DNAH14: variants seen among roughly 807,000 people sequenced by gnomAD.
DNAH14 encodes dynein axonemal heavy chain 14, also known as axonemal beta dynein heavy chain 14.
Under a neutral mutation model 520.9 loss-of-function variants are expected in DNAH14, and 478 were observed. The observed-to-expected ratio is 0.92, with a 90% CI of 0.85 to 0.99. The LOEUF (loss-of-function observed/expected upper bound fraction) is 0.99. Ranked by LOEUF, DNAH14 falls within the 50% of genes least tolerant of loss-of-function variation. The pLI, the probability that DNAH14 is intolerant of heterozygous loss-of-function variation, is 0.00. For synonymous variants in DNAH14, 1,581 were observed against 1,757.2 expected, an observed-to-expected ratio of 0.90 and a Z score of 2.51; for missense variants, 4,831 against 5,234.5, an observed-to-expected ratio of 0.92 and a Z score of 2.38.
chr1:225,118,119 A>G (rs1320840143), intron 25 of DNAH14, 120 bp downstream of exon 25: 5 of 781,112 alleles, frequency 6.4e-6, no homozygotes, highest in Admixed American at 4.0e-5. Context: ...CAAAGATTAT[A>G]TCCTTACGTA....
chr1:225,072,047 A>G (rs1257189235), intron 17 of DNAH14, among the ~76,000 whole-genome samples: 3 of 152,290 alleles, frequency 2.0e-5, no homozygotes, highest in African/African-American at 7.2e-5. Context: ...CGTGGATCTT[A>G]CTAGGGTTCT....
At chr1:225,322,427 A>G (rs1331472275) in intron 61 of DNAH14, among the ~76,000 whole-genome samples, 1 of 152,126 alleles carries the variant, frequency 6.6e-6, no homozygotes, top group Non-Finnish European at 1.5e-5. Flanking sequence ...CCTTTAACTC[A>G]GATGTAGTAC....
chr1:225,399,082 A>G lies in DNAH14; in HGVS notation c.13667A>G (p.Asn4556Ser), dbSNP rs115162236. The G allele has an allele frequency of 5.3e-4, 829 of 1,551,644 alleles. 3 individuals are homozygous for G. The African/African-American group carries it at 0.01, about 19-fold the overall frequency. ...KISTKTPNASNQTDSELYAFE... is the reference protein window; with the variant it reads ...KISTKTPNASSQTDSELYAFE... The stretch of plus-strand genomic sequence containing the variant: ...TCTACCAAAACACCAAATGCTTCCA[A>G]CCAGACAGATTCAGAACTCTATGCT... Residue 4556 changes from asparagine to serine, a missense_variant, in exon 86 of 86, where the codon AAC (asparagine) becomes AGC (serine). Coordinates refer to ENST00000682510, the MANE Select transcript of DNAH14 (RefSeq NM_001367479.1).
chr1:225,381,566 C>T lies in DNAH14; in HGVS notation c.13064C>T (p.Pro4355Leu). ...IFNSFLNMRV[P>L]TLWQKHAYRS... ...AACTCTTTTCTTAATATGAGAGTGCCTACATTGTGGCAGGTAAGCAATTAT... is the reference window on the plus strand; with the variant it reads ...AACTCTTTTCTTAATATGAGAGTGCTTACATTGTGGCAGGTAAGCAATTAT... The change falls in exon 81 of 86, where the codon CCT (proline) becomes CTT (leucine). Residue 4355 changes from proline (P) to leucine (L), a missense_variant. Coordinates refer to ENST00000682510, the MANE Select transcript of DNAH14 (RefSeq NM_001367479.1). 2 of 1,516,242 alleles carry T rather than the reference C, an allele frequency of 1.3e-6. No individual in the cohort carries two copies. The highest frequency in any genetic ancestry group is 1.8e-6 in the Non-Finnish European group (2 of 1,134,974). 93.9% of individuals were successfully genotyped at this position (1,516,242 alleles called of 1,614,324 possible). A position where few individuals can be genotyped will look rare whatever the true frequency, so the allele number is the denominator to read the frequency against.
At chr1:225,372,618 A>G (rs574818781) in intron 77 of DNAH14, among the ~76,000 whole-genome samples, 12 of 152,336 alleles carry the variant, frequency 7.9e-5, no homozygotes, top group African/African-American at 2.6e-4. Context: ...CAAATAACCA[A>G]AATAAATCTA....
At chr1:225,230,603 GA>G (rs1172834056) in intron 41 of DNAH14, among the ~76,000 whole-genome samples, 3 of 152,120 alleles carry the variant, frequency 2.0e-5, no homozygotes. Flanking sequence ...ATGGGAGTGA[GA>G]GGGGGATGAC....
rs6692945 is a variant in DNAH14, at chr1:225,282,049, C to T, written c.8271+4547C>T. 5.0e-3 allele frequency among the ~76,000 whole-genome samples: 765 copies of T among 152,228 alleles called. 6 individuals are homozygous for T. The highest frequency in any genetic ancestry group is 0.017 in the African/African-American group (722 of 41,538). ...TGTGATGATCATTTAACAATGTACA[C>T]ATATATCAAAACATCAAGATGTACA... On this transcript the variant is annotated intron_variant, in intron 54 of 85. Transcript: ENST00000682510.
intron 34 of DNAH14, among the ~76,000 whole-genome samples, chr1:225,154,289 AT>A (rs1342136619): frequency 6.6e-6 from 1 of 152,090 alleles, no homozygotes; most frequent in African/African-American, 2.4e-5. Context: ...TACTCTAAAC[AT>A]TAATTTACGA....
chr1:224,966,197 T>C lies in DNAH14; in HGVS notation c.499-1234T>C, dbSNP rs546251758. 9.7e-4 allele frequency among the ~76,000 whole-genome samples: 147 copies of C among 152,236 alleles called. 1 individual carries two copies. The highest frequency in any genetic ancestry group is 3.3e-3 in the African/African-American group (139 of 41,574). ...TTTAAACTTGTTTTTGAGGATTTAA[T>C]ATTGATTATATTAGAAGCTGAAATA... On this transcript the variant is annotated intron_variant, in intron 5 of 85. Coordinates refer to ENST00000682510, the MANE Select transcript of DNAH14 (RefSeq NM_001367479.1).
intron 81 of DNAH14, among the ~76,000 whole-genome samples, chr1:225,387,352 T>G (rs2095853678): frequency 6.6e-6 from 1 of 152,112 alleles, no homozygotes; most frequent in East Asian, 1.9e-4. Flanking sequence ...AACCTGCACG[T>G]TGTGCACATG....
intron 31 of DNAH14, 142 bp from the exon 32 acceptor site, chr1:225,151,863 C>A: frequency 2.6e-6 from 2 of 772,756 alleles, no homozygotes; most frequent in South Asian, 1.5e-5. Context: ...TCTTTTTTCT[C>A]TCACCATTGT....
chr1:225,114,372 G>A (rs1010789238), intron 23 of DNAH14, among the ~76,000 whole-genome samples: 10 of 152,276 alleles, frequency 6.6e-5, no homozygotes, highest in Non-Finnish European at 1.2e-4. Context: ...GGAAGAAAAA[G>A]TCCTCTTTAG....
At chr1:224,980,824 C>T (rs2062211877) in intron 8 of DNAH14, among the ~76,000 whole-genome samples, 1 of 152,166 alleles carries the variant, frequency 6.6e-6, no homozygotes. Flanking sequence ...GGGCTTGTGT[C>T]ACCCCACCCC....
intron 10 of DNAH14, among the ~76,000 whole-genome samples, chr1:225,022,252 G>A (rs980310757): frequency 6.6e-6 from 1 of 152,092 alleles, no homozygotes; most frequent in Non-Finnish European, 1.5e-5. Context: ...TTGATAAGTG[G>A]GACCTAATGA....
intron 31 of DNAH14, among the ~76,000 whole-genome samples, chr1:225,148,748 G>C (rs1432612635): frequency 6.6e-6 from 1 of 152,006 alleles, no homozygotes; most frequent in Non-Finnish European, 1.5e-5. Context: ...GTCTTCTTTT[G>C]AAAAGTGTCC....
rs2067704104 is a variant in DNAH14 at position 225,043,882 on chromosome 1, T to C, written c.1815-4T>C. 2 of 1,515,624 alleles carry C rather than the reference T, an allele frequency of 1.3e-6. No homozygotes were observed. Among genetic ancestry groups the C allele is most frequent in the Admixed American group, 2.0e-5 (1 of 48,878 alleles). 93.9% of individuals were successfully genotyped at this position (1,515,624 alleles called of 1,614,324 possible). A position where few individuals can be genotyped will look rare whatever the true frequency, so the allele number is the denominator to read the frequency against. ...AAATATGCTTTTATTGTTTTCTCTGTTAGATTTCCAGAATTTCCTACAAAT... is the reference window on the plus strand; with the variant it reads ...AAATATGCTTTTATTGTTTTCTCTGCTAGATTTCCAGAATTTCCTACAAAT... On this transcript the variant is annotated splice_polypyrimidine_tract_variant and splice_region_variant and intron_variant, in intron 14 of 85. Transcript: ENST00000682510.
chr1:225,388,356 T>C (rs6679430), intron 81 of DNAH14, 23 bp from the exon 82 acceptor site: 889,240 of 1,414,920 alleles, frequency 0.63, 288,148 homozygotes, highest in East Asian at 0.78. Flanking sequence ...AAAAATGATG[T>C]GACTGTCTTT....
At chr1:225,051,864 T>C in intron 17 of DNAH14, 69 bp downstream of exon 17, 1 of 1,101,766 alleles carries the variant, frequency 9.1e-7, no homozygotes, top group East Asian at 2.6e-5. Context: ...TTAAAATATG[T>C]ACTTAGAGAA....
At chr1:224,976,871 C>T (rs2061884558) in intron 8 of DNAH14, among the ~76,000 whole-genome samples, 1 of 151,508 alleles carries the variant, frequency 6.6e-6, no homozygotes. Flanking sequence ...GAAATAGGAA[C>T]ACTTTTACAC....
Sources: gnomAD v4.1 joint callset for allele counts (sites outside exome capture counted in the v4.1 genomes callset) on GRCh38, gnomAD v4.1.1 for gene constraint, MANE v1.5 for transcripts, NCBI Gene and HGNC (gene_info 2026-07-23, HGNC 2026-07-21) for gene names.